Variants in EFCAB12 observed in about 807,000 individuals in gnomAD.
EFCAB12 encodes EF-hand calcium binding domain 12, also known as EF-hand calcium-binding domain-containing protein 12.
A neutral mutation model predicts 53.6 loss-of-function variants in EFCAB12; 43 were observed. That is an observed-to-expected ratio of 0.80 (90% CI 0.63 to 1.03). The LOEUF (loss-of-function observed/expected upper bound fraction) is 1.03. Among genes scored for constraint, EFCAB12 ranks in the 50% least tolerant of loss-of-function variants. EFCAB12 has a pLI of 0.00. For missense variants in EFCAB12, 646 were observed against 730.6 expected (o/e 0.88, Z 1.34); for synonymous variants, 269 against 289.2 (o/e 0.93, Z 0.71).
In EFCAB12 at chr3:129,401,494, G is replaced by C. The variant is rs2071868949; in HGVS notation, c.*99C>G. ...ATCCCTCTTTGAAAGGATTTCTTTA[G>C]TTTGACTCTTTGACACTCCTCTTGT... is the stretch of plus-strand genomic sequence containing the variant. On this transcript the variant is annotated 3_prime_UTR_variant, in exon 9 of 9. Transcript: ENST00000505956. 1.4e-6 allele frequency: 2 copies of C among 1,424,120 alleles called. No individual in the cohort carries two copies. Among genetic ancestry groups the C allele is most frequent in the Non-Finnish European group, 1.9e-6 (2 of 1,075,990 alleles). 88.2% of individuals were successfully genotyped at this position (1,424,120 alleles called of 1,614,324 possible).
In EFCAB12 at chr3:129,421,752, G is replaced by A; in HGVS notation, c.101C>T (p.Pro34Leu). ...PINENAPVFDPEPVIAHCFKQ... is the reference protein window; with the variant it reads ...PINENAPVFDLEPVIAHCFKQ... Reference sequence around the variant, plus strand: ...GAAGCAGTGGGCAATGACCGGTTCAGGATCAAAGACGGGAGCATTTTCATT... The same window carrying A: ...GAAGCAGTGGGCAATGACCGGTTCAAGATCAAAGACGGGAGCATTTTCATT... Residue 34 changes from proline (P) to leucine (L), a missense_variant, in exon 2 of 9, where the codon CCT becomes CTT. Pro to Leu is a moderately conservative substitution (Grantham distance 98). Transcript: ENST00000505956. 1 of 1,613,782 alleles carries A rather than the reference G, an allele frequency of 6.2e-7. No individual in the cohort carries two copies. Among genetic ancestry groups the A allele is most frequent in the Non-Finnish European group, 8.5e-7 (1 of 1,179,806 alleles).
intron 1 of EFCAB12, 78 bp from the exon 2 acceptor site, chr3:129,421,881 C>T: frequency 1.4e-6 from 2 of 1,428,938 alleles, no homozygotes; most frequent in Non-Finnish European, 1.9e-6. Flanking sequence ...AACACTTTTG[C>T]TCCAGGCTGG....
chr3:129,407,688 T>A (rs1195993187), intron 6 of EFCAB12, among the ~76,000 whole-genome samples: 1 of 152,104 alleles, frequency 6.6e-6, no homozygotes, highest in Non-Finnish European at 1.5e-5. Flanking sequence ...CCAAGGCAGG[T>A]GGATCACCTG....
intron 6 of EFCAB12, among the ~76,000 whole-genome samples, chr3:129,405,928 CA>C: frequency 6.6e-6 from 1 of 152,172 alleles, no homozygotes; most frequent in South Asian, 2.1e-4. Context: ...TAGCAGAAGC[CA>C]GGGGTGGATG....
chr3:129,407,565 G>A (rs1268324994), intron 6 of EFCAB12, among the ~76,000 whole-genome samples: 5 of 152,196 alleles, frequency 3.3e-5, no homozygotes, highest in Non-Finnish European at 7.3e-5. Context: ...GCCCCCAAGT[G>A]CAGCTTGCTC....
chr3:129,426,771 G>T (rs2072277921), intron 1 of EFCAB12, among the ~76,000 whole-genome samples: 1 of 151,730 alleles, frequency 6.6e-6, no homozygotes, highest in African/African-American at 2.4e-5. Flanking sequence ...TGAACTCCTG[G>T]GCTCAAATGA....
chr3:129,425,608 C>T (rs1019306751), intron 1 of EFCAB12, among the ~76,000 whole-genome samples: 2 of 152,330 alleles, frequency 1.3e-5, no homozygotes, highest in East Asian at 3.9e-4. Flanking sequence ...TCCAAGGGTG[C>T]CTGCCCACCA....
Position 129,418,440 on chromosome 3 carries a change from G to A in EFCAB12, c.495C>T (p.Ala165=). The change falls in exon 3 of 9, where the codon GCC becomes GCT. Residue 165 remains alanine, a synonymous_variant. Coordinates refer to ENST00000505956, the MANE Select transcript of EFCAB12 (RefSeq NM_207307.3). ...GGCGGGACAGCCGGGAGAGCCTGGG[G>A]GCTTTCTTCTGGAAGAGGTGAGAGG... The part of the protein sequence containing the change: ...QATTRTTRKK[A]PRLSRLSRQM... 6.2e-7 allele frequency: 1 copy of A among 1,605,778 alleles called. No homozygotes were observed. The highest frequency in any genetic ancestry group is 8.5e-7 in the Non-Finnish European group (1 of 1,176,026).
At chr3:129,416,669 A>G (rs1025964667) in intron 3 of EFCAB12, among the ~76,000 whole-genome samples, 34 of 152,322 alleles carry the variant, frequency 2.2e-4, no homozygotes, top group African/African-American at 8.2e-4. Flanking sequence ...GTTTCTTTTA[A>G]GTTGAGATCT....
chr3:129,419,011 T>C (rs2072156304), intron 2 of EFCAB12, among the ~76,000 whole-genome samples: 1 of 152,164 alleles, frequency 6.6e-6, no homozygotes, highest in Non-Finnish European at 1.5e-5. Flanking sequence ...TCTGTGCTCC[T>C]CCCAGGGTGC....
intron 1 of EFCAB12, among the ~76,000 whole-genome samples, chr3:129,426,381 T>C (rs1335439277): frequency 6.9e-6 from 1 of 144,722 alleles, no homozygotes; most frequent in African/African-American, 2.5e-5. Context: ...TTTTTTTTTT[T>C]TGAGACGGAC....
Position 129,426,491 on chromosome 3 carries a change from A to T in EFCAB12, c.49+1949T>A, listed in dbSNP as rs1403947458. On this transcript the variant is annotated intron_variant, in intron 1 of 8. Transcript: ENST00000505956. ...GCCATTCTCCTGCCTCAGCCTCCCGAGTACCTGGGACTACAGGTGTCTGCC... is the reference window on the plus strand; with the variant it reads ...GCCATTCTCCTGCCTCAGCCTCCCGTGTACCTGGGACTACAGGTGTCTGCC... 2.0e-5 allele frequency among the ~76,000 whole-genome samples: 3 copies of T among 149,208 alleles called. No individual in the cohort carries two copies. In the East Asian group the frequency reaches 6.0e-4, roughly 30 times the overall value.
rs1222840374 is a variant in EFCAB12, at chr3:129,418,340, T to A, written c.595A>T (p.Ile199Phe). Reference sequence around the variant, plus strand: ...TTGTGAAATATCTCCAGGATCTTGATCTTGCGGCTATGCAGGTAGGAGTAC... The same window carrying A: ...TTGTGAAATATCTCCAGGATCTTGAACTTGCGGCTATGCAGGTAGGAGTAC... ...VMYSYLHSRKIKILEIFHKVG... is the reference protein window; with the variant it reads ...VMYSYLHSRKFKILEIFHKVG... Residue 199 changes from isoleucine (I) to phenylalanine (F), a missense_variant, in exon 3 of 9, where the codon ATC (isoleucine) becomes TTC (phenylalanine). Physicochemically the swap from Ile to Phe is conservative, Grantham distance 21. Coordinates refer to ENST00000505956, the MANE Select transcript of EFCAB12 (RefSeq NM_207307.3). The A allele has an allele frequency of 1.2e-6, 2 of 1,613,894 alleles. No homozygotes were observed. Among genetic ancestry groups the A allele is most frequent in the African/African-American group, 1.3e-5 (1 of 75,036 alleles).
At chr3:129,423,678 C>T (rs1159761661) in intron 1 of EFCAB12, among the ~76,000 whole-genome samples, 1 of 152,106 alleles carries the variant, frequency 6.6e-6, no homozygotes, top group Admixed American at 6.5e-5. Context: ...GAAATACTGT[C>T]ACTGTCATTT....
chr3:129,423,485 G>A (rs1024370830), intron 1 of EFCAB12, among the ~76,000 whole-genome samples: 1 of 151,742 alleles, frequency 6.6e-6, no homozygotes, highest in Non-Finnish European at 1.5e-5. Flanking sequence ...AAAACTAGCC[G>A]GGCATGGTGG....
intron 2 of EFCAB12, among the ~76,000 whole-genome samples, chr3:129,419,788 T>C (rs557662044): frequency 5.8e-4 from 88 of 152,218 alleles, no homozygotes; most frequent in Middle Eastern, 3.2e-3. Context: ...CCCAGCATCA[T>C]GTCTTCTGTG....
In EFCAB12 at chr3:129,415,335, G is replaced by T. The variant is rs2072101662; in HGVS notation, c.748C>A (p.His250Asn). The change falls in exon 4 of 9, where the codon CAC becomes AAC. Residue 250 changes from histidine (H) to asparagine (N), a missense_variant. By Grantham distance (68) the His-to-Asn change is moderately conservative (BLOSUM62 1). Transcript: ENST00000505956. Reference sequence around the variant, plus strand: ...AGGATATCCATGGTGATGGTGTTGTGCTTCCCAAGAGAGCTGAGGTAGATC... The same window carrying T: ...AGGATATCCATGGTGATGGTGTTGTTCTTCCCAAGAGAGCTGAGGTAGATC... Reference protein sequence around the residue: ...IVIYLSSLGKHNTITMDILAN... With the variant: ...IVIYLSSLGKNNTITMDILAN... 1 of 1,613,588 alleles carries T rather than the reference G, an allele frequency of 6.2e-7. No individual in the cohort carries two copies. Among genetic ancestry groups the T allele is most frequent in the Non-Finnish European group, 8.5e-7 (1 of 1,179,830 alleles).
Position 129,415,229 on chromosome 3 carries a change from G to A in EFCAB12, c.838+16C>T. ...GGACGGGGAGGTGGAGGCACAGGAT[G>A]GGGAGGGGTACGCACGCTCCCTTGC... On this transcript the variant is annotated intron_variant, in intron 4 of 8. Coordinates refer to ENST00000505956, the MANE Select transcript of EFCAB12 (RefSeq NM_207307.3). 6.3e-7 allele frequency: 1 copy of A among 1,576,338 alleles called. No homozygotes were observed. Among genetic ancestry groups the A allele is most frequent in the Non-Finnish European group, 8.6e-7 (1 of 1,162,270 alleles).
intron 5 of EFCAB12, 68 bp from the exon 6 acceptor site, chr3:129,408,926 A>G: frequency 6.6e-7 from 1 of 1,513,580 alleles, no homozygotes; most frequent in South Asian, 1.2e-5. Context: ...CAGAAGAAGG[A>G]AGATGCAGTG....
Sources: gnomAD v4.1 joint callset for allele counts (sites outside exome capture counted in the v4.1 genomes callset) on GRCh38, gnomAD v4.1.1 for gene constraint, MANE v1.5 for transcripts, NCBI Gene and HGNC (gene_info 2026-07-23, HGNC 2026-07-21) for gene names.